Variants in FHIT observed in about 807,000 individuals in gnomAD.
FHIT encodes the protein bis(5'-adenosyl)-triphosphatase.
In FHIT, 19 loss-of-function variants were observed where a neutral mutation model predicts 17.9. That is an observed-to-expected ratio of 1.06 (90% CI 0.74 to 1.56). The LOEUF is 1.56. FHIT is among the 40% of genes most tolerant of loss of function. FHIT has a pLI of 0.00. For synonymous variants in FHIT, 81 were observed against 69.7 expected (o/e 1.16, Z -0.81); for missense variants, 248 against 189.2 (o/e 1.31, Z -1.82).
chr3:60,160,482 T>C (rs1256160450), intron 5 of FHIT, among the ~76,000 whole-genome samples: 1 of 152,216 alleles, frequency 6.6e-6, no homozygotes, highest in Non-Finnish European at 1.5e-5. Flanking sequence ...GTTGTTCTAA[T>C]GTTGCCAAGG....
chr3:60,507,822 G>A (rs1295089274), intron 5 of FHIT, among the ~76,000 whole-genome samples: 1 of 152,096 alleles, frequency 6.6e-6, no homozygotes, highest in African/African-American at 2.4e-5. Context: ...ATGGCCTCCA[G>A]CTCCATCCAT....
At chr3:60,302,398 C>G (rs867067726) in intron 5 of FHIT, among the ~76,000 whole-genome samples, 1 of 152,012 alleles carries the variant, frequency 6.6e-6, no homozygotes, top group Admixed American at 6.6e-5. Flanking sequence ...ATAATTTCTC[C>G]TATCTTAGGG....
At chr3:60,149,067 G>A (rs114632619) in intron 5 of FHIT, among the ~76,000 whole-genome samples, 2,828 of 152,154 alleles carry the variant, frequency 0.019, 90 homozygotes, top group African/African-American at 0.064. Context: ...AATTTCCTTT[G>A]GACACTATAA....
At chr3:60,816,736 T>G (rs1407613928) in intron 4 of FHIT, among the ~76,000 whole-genome samples, 1 of 151,944 alleles carries the variant, frequency 6.6e-6, no homozygotes, top group Admixed American at 6.6e-5. Context: ...GCTATCAGGG[T>G]GATGCACAGA....
intron 5 of FHIT, among the ~76,000 whole-genome samples, chr3:60,141,071 G>C (rs1700020507): frequency 6.6e-6 from 1 of 152,146 alleles, no homozygotes; most frequent in Non-Finnish European, 1.5e-5. Context: ...TGACTAAATA[G>C]CAGAAGAATG....
intron 5 of FHIT, among the ~76,000 whole-genome samples, chr3:60,520,729 G>A (rs1399294017): frequency 6.6e-6 from 1 of 152,090 alleles, no homozygotes; most frequent in Non-Finnish European, 1.5e-5. Context: ...TGTGGGTGGA[G>A]GAGCGAGACA....
chr3:60,920,686 A>T (rs1553768127), intron 3 of FHIT, among the ~76,000 whole-genome samples: 1 of 152,134 alleles, frequency 6.6e-6, no homozygotes, highest in Non-Finnish European at 1.5e-5. Context: ...GGAAGAGTAA[A>T]CAAGGCGTGG....
At chr3:60,338,502 A>G (rs1710355009) in intron 5 of FHIT, among the ~76,000 whole-genome samples, 1 of 152,214 alleles carries the variant, frequency 6.6e-6, no homozygotes, top group South Asian at 2.1e-4. Context: ...GTCTGGTCCC[A>G]GTATTTTATT....
chr3:60,214,299 C>T (rs189421078), intron 5 of FHIT, among the ~76,000 whole-genome samples: 1 of 152,232 alleles, frequency 6.6e-6, no homozygotes, highest in East Asian at 1.9e-4. Context: ...AACTTGCTGT[C>T]ATTTAAATTT....
chr3:60,580,515 T>G (rs149718633), intron 4 of FHIT, among the ~76,000 whole-genome samples: 97 of 152,208 alleles, frequency 6.4e-4, no homozygotes, highest in Non-Finnish European at 7.6e-4. Flanking sequence ...TAATATTTCA[T>G]CTCATTTTAT....
intron 3 of FHIT, among the ~76,000 whole-genome samples, chr3:60,886,213 TAA>T (rs1553759228): frequency 6.6e-6 from 1 of 152,188 alleles, no homozygotes; most frequent in African/African-American, 2.4e-5. Flanking sequence ...CATGAATGGC[TAA>T]AAATAGGCCA....
intron 5 of FHIT, among the ~76,000 whole-genome samples, chr3:60,489,884 G>T (rs1298123781): frequency 6.6e-6 from 1 of 152,002 alleles, no homozygotes; most frequent in Non-Finnish European, 1.5e-5. Flanking sequence ...TGAACAGGAG[G>T]CTCCAAACCA....
At chr3:60,888,151 C>T (rs1459394620) in intron 3 of FHIT, among the ~76,000 whole-genome samples, 1 of 152,204 alleles carries the variant, frequency 6.6e-6, no homozygotes, top group Non-Finnish European at 1.5e-5. Context: ...TGTAATCTGA[C>T]TTTAACTCCT....
chr3:60,589,954 G>C (rs2107693264), intron 4 of FHIT, among the ~76,000 whole-genome samples: 1 of 152,054 alleles, frequency 6.6e-6, no homozygotes, highest in East Asian at 1.9e-4. Context: ...CTTCAACTCT[G>C]GGTAAATTTA....
At chr3:60,160,731 CAT>C (rs1700902583) in intron 5 of FHIT, among the ~76,000 whole-genome samples, 3 of 152,022 alleles carry the variant, frequency 2.0e-5, no homozygotes, top group Admixed American at 1.3e-4. Context: ...CAAATGACAA[CAT>C]ATGACACCCA....
At chr3:61,236,574 T>C (rs575356034) in intron 1 of FHIT, among the ~76,000 whole-genome samples, 16 of 152,236 alleles carry the variant, frequency 1.1e-4, no homozygotes, top group Middle Eastern at 3.4e-3. Flanking sequence ...TGGAGAGGAA[T>C]AGGACTTCAG....
intron 4 of FHIT, among the ~76,000 whole-genome samples, chr3:60,722,706 T>TA (rs1559670555): frequency 5.7e-5 from 8 of 140,682 alleles, no homozygotes; most frequent in Admixed American, 4.9e-4. Flanking sequence ...TTACCTTAAA[T>TA]CTTTTTTTTT....
chr3:59,915,769 T>C (rs1705105392), intron 8 of FHIT, among the ~76,000 whole-genome samples: 1 of 151,912 alleles, frequency 6.6e-6, no homozygotes, highest in African/African-American at 2.4e-5. Context: ...GCGAGACCTG[T>C]CTCTACAAAA....
intron 3 of FHIT, among the ~76,000 whole-genome samples, chr3:60,935,981 A>T (rs116662756): frequency 9.8e-5 from 15 of 152,328 alleles, no homozygotes; most frequent in Non-Finnish European, 5.9e-5. Flanking sequence ...GTAAATGAAT[A>T]TGGTACTAAA....
Sources: gnomAD v4.1 joint callset for allele counts (sites outside exome capture counted in the v4.1 genomes callset) on GRCh38, gnomAD v4.1.1 for gene constraint, MANE v1.5 for transcripts, NCBI Gene and HGNC (gene_info 2026-07-23, HGNC 2026-07-21) for gene names.